IMPDH1: variants seen among roughly 807,000 people sequenced by gnomAD.
IMPDH1 encodes the protein inosine-5'-monophosphate dehydrogenase 1.
IMPDH1 carries 41 observed loss-of-function variants against 73.5 expected under a neutral mutation model. The ratio of observed to expected loss-of-function variants is 0.56; its 90% CI spans 0.43 to 0.72. The LOEUF (loss-of-function observed/expected upper bound fraction) is 0.72. Ranked by LOEUF, IMPDH1 falls within the 30% of genes least tolerant of loss-of-function variation. The pLI is 0.00. For synonymous variants in IMPDH1, 318 were observed against 334.3 expected (o/e 0.95, Z 0.53); for missense variants, 645 against 824.8 (o/e 0.78, Z 2.67).
intron 16 of IMPDH1, chr7:128,393,811 G>A (rs1797707198): frequency 3.5e-6 from 1 of 289,188 alleles, no homozygotes; most frequent in Non-Finnish European, 6.8e-6. Context: ...CTCCTGACCA[G>A]GGTGGGGCAC....
rs535785528 is a variant in IMPDH1 at position 128,409,172 on chromosome 7, C to T, written c.254+117G>A. ...CTACCCTACTCTTCCTCCAGTGTCCCTCATTCCCCTACAGACCCCAGCATG... is the reference window on the plus strand; with the variant it reads ...CTACCCTACTCTTCCTCCAGTGTCCTTCATTCCCCTACAGACCCCAGCATG... On this transcript the variant is annotated intron_variant, in intron 3 of 16. Transcript: ENST00000338791. The T allele has an allele frequency of 5.4e-6, 5 of 920,516 alleles. No homozygotes were observed. The African/African-American group carries it at 8.2e-5, about 15-fold the overall frequency. The allele number at this position is 920,516 out of a possible 1,614,324, so 57.0% of individuals were successfully genotyped here.
chr7:128,396,979 T>C lies in IMPDH1; in HGVS notation c.1118A>G (p.His373Arg), dbSNP rs1415480514. 1.9e-6 allele frequency: 3 copies of C among 1,613,970 alleles called. No homozygotes were observed. The African/African-American group carries it at 4.0e-5, about 22-fold the overall frequency. Residue 373 changes from histidine to arginine, a missense_variant, in exon 11 of 17, where the codon CAT (histidine) becomes CGT (arginine). This residue lies in a region of IMPDH1 where 459 missense variants were observed against 638.2 expected (regional missense o/e 0.72). Transcript: ENST00000338791. The surrounding 1 kb of genome is among the most constrained non-coding windows in gnomAD (Gnocchi z 4.0). ...GNSVYQIAMV[H>R]YIKQKYPHLQ... Reference sequence around the variant, plus strand: ...GTGGGGGTACTTCTGTTTGATGTAATGCACCATGGCGATCTGATACACCGA... The same window carrying C: ...GTGGGGGTACTTCTGTTTGATGTAACGCACCATGGCGATCTGATACACCGA...
intron 9 of IMPDH1, among the ~76,000 whole-genome samples, chr7:128,399,522 C>CA (rs71700779): frequency 0.19 from 23,384 of 120,532 alleles, 2,245 homozygotes; most frequent in East Asian, 0.37. Flanking sequence ...ACTAAAAATA[C>CA]AAAAAAAAAA....
chr7:128,394,596 C>G lies in IMPDH1; in HGVS notation c.1554G>C (p.Glu518Asp). Reference sequence around the variant, plus strand: ...CCTGCGCGATCTTCACTTTATCCCCCTCGCTGCGTGGAGGGTGGAAGACTG... The same window carrying G: ...CCTGCGCGATCTTCACTTTATCCCCGTCGCTGCGTGGAGGGTGGAAGACTG... Reference protein sequence around the residue: ...SSSSQKRYFSEGDKVKIAQGV... With the variant: ...SSSSQKRYFSDGDKVKIAQGV... The change falls in exon 15 of 17, where the codon GAG becomes GAC. Residue 518 changes from glutamate to aspartate, a missense_variant. Around this residue, in one of 2 missense-constraint regions of IMPDH1, gnomAD observed 459 missense variants for 638.2 expected, o/e 0.72. Transcript: ENST00000338791. This position sits in a 1 kb window ranked among gnomAD's most constrained non-coding sequence, Gnocchi z 5.5. 6.2e-7 allele frequency: 1 copy of G among 1,613,630 alleles called. No homozygotes were observed. Among genetic ancestry groups the G allele is most frequent in the Non-Finnish European group, 8.5e-7 (1 of 1,180,008 alleles).
Position 128,403,690 on chromosome 7 carries a change from AG to A in IMPDH1, c.402+15del. ...ATACACAGCCCCCTCCCCTTGTCAA[AG>A]GAAGAGGTACTCACCACCTCATCAG... On this transcript the variant is annotated intron_variant, in intron 5 of 16. Transcript: ENST00000338791. 1 of 1,608,606 alleles carries A rather than the reference AG, an allele frequency of 6.2e-7. No homozygotes were observed. The highest frequency in any genetic ancestry group is 8.5e-7 in the Non-Finnish European group (1 of 1,174,894).
rs1011749116 is a variant in IMPDH1 at position 128,392,660 on chromosome 7, G to T, written c.*347C>A. 4 of 323,816 alleles carry T rather than the reference G, an allele frequency of 1.2e-5. No homozygotes were observed. Among genetic ancestry groups the T allele is most frequent in the Admixed American group, 4.3e-5 (1 of 23,018 alleles). 20.1% of individuals were successfully genotyped at this position (323,816 alleles called of 1,614,324 possible). On this transcript the variant is annotated 3_prime_UTR_variant, in exon 17 of 17. Coordinates refer to ENST00000338791, the MANE Select transcript of IMPDH1 (RefSeq NM_000883.4). ...CCTGGGAGGCTAGGGGCAGGGAGGT[G>T]CCCTACAGGAGAAGCCAGGAGGGGC...
chr7:128,399,807 T>C (rs1403545711), intron 9 of IMPDH1, among the ~76,000 whole-genome samples: 2 of 152,244 alleles, frequency 1.3e-5, no homozygotes, highest in Non-Finnish European at 1.5e-5. Flanking sequence ...CAATTCTTTA[T>C]GCAAGATAGG....
rs1463244153 is a variant in IMPDH1, at chr7:128,405,811, G to A, written c.309C>T (p.Leu103=). 3 of 1,543,032 alleles carry A rather than the reference G, an allele frequency of 1.9e-6. No homozygotes were observed. Among genetic ancestry groups the A allele is most frequent in the Non-Finnish European group, 2.6e-6 (3 of 1,146,198 alleles). ...GGTGYVPEDG[L]TAQQLFASAD... Reference sequence around the variant, plus strand: ...CGCTGGCGAAGAGCTGCTGCGCGGTGAGCCCATCCTCGGGCACGTAGCCGG... The same window carrying A: ...CGCTGGCGAAGAGCTGCTGCGCGGTAAGCCCATCCTCGGGCACGTAGCCGG... Residue 103 remains leucine, a synonymous_variant, in exon 4 of 17, where the codon CTC becomes CTT. Transcript: ENST00000338791.
At chr7:128,399,273 G>A (rs1798149265) in intron 9 of IMPDH1, among the ~76,000 whole-genome samples, 1 of 151,952 alleles carries the variant, frequency 6.6e-6, no homozygotes, top group African/African-American at 2.4e-5. Context: ...GGCTGAGGTA[G>A]GAGACTTGCT....
rs150655340 is a variant in IMPDH1 at position 128,404,063 on chromosome 7, A to G, written c.354-309T>C. ...TTTGTCAAGCGACACAGAAGTTCCC[A>G]TATCGCCACACACAGCAGACACAGT... is the stretch of plus-strand genomic sequence containing the variant. On this transcript the variant is annotated intron_variant, in intron 4 of 16. Coordinates refer to ENST00000338791, the MANE Select transcript of IMPDH1 (RefSeq NM_000883.4). Among the ~76,000 whole-genome samples, 43 of 152,358 alleles carry G rather than the reference A, an allele frequency of 2.8e-4. 1 individual carries two copies. The East Asian group carries it at 7.7e-3, about 27-fold the overall frequency.
intron 10 of IMPDH1, 84 bp from the exon 11 acceptor site, chr7:128,397,106 C>A: frequency 3.5e-6 from 3 of 861,670 alleles, no homozygotes; most frequent in Non-Finnish European, 4.0e-6. Context: ...ATGAACCCCT[C>A]AAATCCTATG....
intron 4 of IMPDH1, 33 bp from the exon 5 acceptor site, chr7:128,403,787 G>T: frequency 1.2e-6 from 2 of 1,605,070 alleles, no homozygotes; most frequent in South Asian, 2.2e-5. Context: ...GTTATTAGTG[G>T]GGAGGGGTGC....
chr7:128,395,364 A>G, intron 12 of IMPDH1, 90 bp from the exon 13 acceptor site: 1 of 1,454,672 alleles, frequency 6.9e-7, no homozygotes, highest in Non-Finnish European at 9.5e-7. Context: ...CCTCCTGTGC[A>G]CTACCTCTAC....
intron 3 of IMPDH1, among the ~76,000 whole-genome samples, chr7:128,407,023 G>A (rs1224394718): frequency 2.0e-5 from 3 of 152,208 alleles, no homozygotes; most frequent in Non-Finnish European, 4.4e-5. Context: ...GTGGTAGGAA[G>A]TAGATCCCCT....
At position 128,404,134 on chromosome 7, in the gene IMPDH1, G is replaced by A. The variant is rs1439032360; in HGVS notation, c.354-380C>T. Among the ~76,000 whole-genome samples the A allele has an allele frequency of 3.3e-5, 5 of 152,334 alleles. No homozygotes were observed. The East Asian group carries it at 9.6e-4, about 29-fold the overall frequency. ...CAATCTTGATGGGGAGAGAAAATAA[G>A]TAAACATTGGGAACAAACCTGAGAA... On this transcript the variant is annotated intron_variant, in intron 4 of 16. Transcript: ENST00000338791.
intron 8 of IMPDH1, 45 bp downstream of exon 8, chr7:128,400,288 G>A (rs1359036426): frequency 5.6e-6 from 9 of 1,606,892 alleles, no homozygotes; most frequent in African/African-American, 2.7e-5. Context: ...CCCAGCGTGA[G>A]GGTCCTCTCT....
At chr7:128,397,728 C>A (rs1798026778) in intron 10 of IMPDH1, among the ~76,000 whole-genome samples, 1 of 150,610 alleles carries the variant, frequency 6.6e-6, no homozygotes, top group Admixed American at 6.9e-5. Context: ...TTGCTTGCAA[C>A]AATTTGTCAA....
chr7:128,409,325 C>T lies in IMPDH1; in HGVS notation c.218G>A (p.Gly73Asp), dbSNP rs139979391. 114 of 1,614,180 alleles carry T rather than the reference C, an allele frequency of 7.1e-5. No individual in the cohort carries two copies. The African/African-American group carries it at 9.6e-4, about 14-fold the overall frequency. The change falls in exon 3 of 17, where the codon GGT becomes GAT. Residue 73 changes from glycine (G) to aspartate (D), a missense_variant. Transcript: ENST00000338791. Reference protein sequence around the residue: ...SELSSVVLLAGVGVQMDRLRR... With the variant: ...SELSSVVLLADVGVQMDRLRR... The stretch of plus-strand genomic sequence containing the variant: ...AAGGCGATCCATCTGGACACCAACA[C>T]CTGCCAGTAAGACCACTGAAGATAG...
chr7:128,409,851 A>T lies in IMPDH1; in HGVS notation c.51T>A (p.Ala17=). 1 of 1,491,738 alleles carries T rather than the reference A, an allele frequency of 6.7e-7. No individual in the cohort carries two copies. Among genetic ancestry groups the T allele is most frequent in the Non-Finnish European group, 8.9e-7 (1 of 1,127,574 alleles). The allele number at this position is 1,491,738 out of a possible 1,614,324, so 92.4% of individuals were successfully genotyped here. A position where few individuals can be genotyped will look rare whatever the true frequency, so the allele number is the denominator to read the frequency against. Residue 17 remains alanine (A), a synonymous_variant, in exon 1 of 17, where the codon GCT becomes GCA. Coordinates refer to ENST00000338791, the MANE Select transcript of IMPDH1 (RefSeq NM_000883.4). ...PPPLQGGGAA[A]VPEPGARQHP... Reference sequence around the variant, plus strand: ...GTTGCCGGGCTCCGGGCTCCGGAACAGCGGCGGCTCCGCCTCCCTGCAGCG... The same window carrying T: ...GTTGCCGGGCTCCGGGCTCCGGAACTGCGGCGGCTCCGCCTCCCTGCAGCG...
Sources: allele counts gnomAD v4.1 joint callset (sites outside exome capture counted in the v4.1 genomes callset), GRCh38; gene constraint gnomAD v4.1.1; regional missense constraint gnomAD v4.1.1; non-coding constraint Gnocchi (gnomAD v3.1); transcripts MANE v1.5; gene names NCBI Gene and HGNC (gene_info 2026-07-23, HGNC 2026-07-21).